ROBO2: variants seen among roughly 807,000 people sequenced by gnomAD.
ROBO2 encodes roundabout guidance receptor 2.
A neutral mutation model predicts 160.8 loss-of-function variants in ROBO2; 53 were observed. That is an observed-to-expected ratio of 0.33 (90% confidence interval 0.26 to 0.41). The LOEUF (loss-of-function observed/expected upper bound fraction) is 0.41, where lower values mean the gene tolerates loss of function less well. Ranked by LOEUF, ROBO2 falls within the 10% of genes least tolerant of loss-of-function variation. ROBO2 has a pLI of 1.00. For missense variants in ROBO2, 1,577 were observed against 1,722.4 expected, an observed-to-expected ratio of 0.92 and a Z score of 1.49; for synonymous variants, 664 against 611.7, an observed-to-expected ratio of 1.09 and a Z score of -1.26.
chr3:76,821,922 C>T (rs896243611), intron 2 of ROBO2, among the ~76,000 whole-genome samples: 1 of 151,998 alleles, frequency 6.6e-6, no homozygotes, highest in Non-Finnish European at 1.5e-5. Flanking sequence ...TGTCCCCTCT[C>T]ATATGCCATT....
chr3:76,373,147 G>A (rs1270178408), intron 2 of ROBO2, among the ~76,000 whole-genome samples: 1 of 151,860 alleles, frequency 6.6e-6, no homozygotes, highest in Non-Finnish European at 1.5e-5. Context: ...AAGTCAAATT[G>A]GAATAAATAA....
At chr3:76,931,568 C>A (rs537331715) in intron 2 of ROBO2, among the ~76,000 whole-genome samples, 5 of 152,018 alleles carry the variant, frequency 3.3e-5, no homozygotes, top group Non-Finnish European at 7.4e-5. Flanking sequence ...CACACACACA[C>A]ACACACACGT....
At chr3:76,667,140 C>G (rs2092081548) in intron 2 of ROBO2, among the ~76,000 whole-genome samples, 1 of 151,854 alleles carries the variant, frequency 6.6e-6, no homozygotes, top group South Asian at 2.1e-4. Flanking sequence ...TAAAAACGTC[C>G]CAGGGGAGAA....
intron 2 of ROBO2, among the ~76,000 whole-genome samples, chr3:76,843,493 CT>C (rs1231809658): frequency 6.6e-6 from 1 of 152,008 alleles, no homozygotes; most frequent in Non-Finnish European, 1.5e-5. Context: ...GCTCAGTTTT[CT>C]TTACCTACTT....
chr3:76,622,642 C>CT (rs2089306354), intron 2 of ROBO2, among the ~76,000 whole-genome samples: 1 of 152,104 alleles, frequency 6.6e-6, no homozygotes, highest in Non-Finnish European at 1.5e-5. Flanking sequence ...CCATCATTTC[C>CT]TTAATGCCTG....
At chr3:76,073,680 T>C (rs1169029489) in intron 2 of ROBO2, among the ~76,000 whole-genome samples, 1 of 152,088 alleles carries the variant, frequency 6.6e-6, no homozygotes, top group Non-Finnish European at 1.5e-5. Flanking sequence ...TACGTTAAAT[T>C]GGAGTGTAGT....
In ROBO2 at chr3:77,552,863, A is replaced by G. The variant is rs192995011; in HGVS notation, c.1231+1874A>G. ...TCTACCCATAGTTTTGATTTTTCAT[A>G]CAGGTTAATGATTTAATACTATCTG... On this transcript the variant is annotated intron_variant, in intron 8 of 25. Transcript: ENST00000461745. 1.8e-4 allele frequency among the ~76,000 whole-genome samples: 27 copies of G among 152,158 alleles called. No individual in the cohort carries two copies. The East Asian group carries it at 4.9e-3, about 27-fold the overall frequency.
At chr3:76,136,621 T>A (rs1035440067) in intron 2 of ROBO2, among the ~76,000 whole-genome samples, 4 of 152,066 alleles carry the variant, frequency 2.6e-5, no homozygotes, top group African/African-American at 4.8e-5. Context: ...TATCCATTCA[T>A]AAGTACTTAA....
chr3:77,115,966 T>G (rs2074157495), intron 2 of ROBO2, among the ~76,000 whole-genome samples: 1 of 152,140 alleles, frequency 6.6e-6, no homozygotes, highest in Admixed American at 6.6e-5. Flanking sequence ...ATCCATCTTC[T>G]TAACCCCACA....
intron 2 of ROBO2, among the ~76,000 whole-genome samples, chr3:76,730,226 A>G (rs774613): frequency 0.66 from 32,062 of 48,648 alleles, 9,439 homozygotes; most frequent in African/African-American, 0.68. Context: ...CTCCCTACCC[A>G]CCTCTCCTCA....
chr3:76,801,318 G>T (rs2108853435), intron 2 of ROBO2, among the ~76,000 whole-genome samples: 1 of 152,242 alleles, frequency 6.6e-6, no homozygotes, highest in East Asian at 1.9e-4. Context: ...AAAGCATATA[G>T]TTATATACAA....
At chr3:77,337,345 T>C (rs1358856543) in intron 2 of ROBO2, among the ~76,000 whole-genome samples, 16 of 152,236 alleles carry the variant, frequency 1.1e-4, no homozygotes, top group Middle Eastern at 3.4e-3. Context: ...CATCTCTTCC[T>C]CAAGATTAGC....
intron 6 of ROBO2, among the ~76,000 whole-genome samples, chr3:77,545,973 G>C (rs776208489): frequency 2.0e-5 from 3 of 152,114 alleles, no homozygotes; most frequent in Non-Finnish European, 2.9e-5. Context: ...AGATGGTTGA[G>C]TAAGAGAGTG....
At chr3:76,754,879 A>C (rs1003024564) in intron 2 of ROBO2, among the ~76,000 whole-genome samples, 3 of 151,920 alleles carry the variant, frequency 2.0e-5, no homozygotes, top group Non-Finnish European at 4.4e-5. Flanking sequence ...TTAAAATCTA[A>C]TGAAGAAAAT....
intron 2 of ROBO2, among the ~76,000 whole-genome samples, chr3:76,124,779 G>C (rs993777491): frequency 6.6e-6 from 1 of 152,038 alleles, no homozygotes; most frequent in African/African-American, 2.4e-5. Flanking sequence ...GATCTGAAGA[G>C]GAATTTTTGA....
At chr3:76,511,373 T>C (rs556070492) in intron 2 of ROBO2, among the ~76,000 whole-genome samples, 2 of 152,326 alleles carry the variant, frequency 1.3e-5, no homozygotes, top group South Asian at 4.1e-4. Context: ...ACCAGTGACT[T>C]GTGCTCACCG....
At chr3:77,262,137 T>C (rs2058817246) in intron 2 of ROBO2, among the ~76,000 whole-genome samples, 1 of 152,176 alleles carries the variant, frequency 6.6e-6, no homozygotes, top group Non-Finnish European at 1.5e-5. Context: ...TGGACACAAA[T>C]ATATCAACAA....
At position 76,913,830 on chromosome 3, in the gene ROBO2, C is replaced by A. The variant is rs550876206; in HGVS notation, c.110-184184C>A. ...TAGAGGAGTAACTGTGAATAATACT[C>A]CTTTAGATGAGTAACTGTGAAAAAT... On this transcript the variant is annotated intron_variant, in intron 2 of 26. Coordinates refer to the ROBO2 transcript ENST00000487694. 2.2e-3 allele frequency among the ~76,000 whole-genome samples: 331 copies of A among 151,880 alleles called. 1 individual carries two copies. Among genetic ancestry groups the A allele is most frequent in the African/African-American group, 6.5e-3 (267 of 41,392 alleles).
intron 2 of ROBO2, among the ~76,000 whole-genome samples, chr3:77,224,562 A>G (rs2086240334): frequency 6.6e-6 from 1 of 151,924 alleles, no homozygotes; most frequent in South Asian, 2.1e-4. Context: ...TGATCGTTGT[A>G]TTTATTGTAT....
Sources: gnomAD v4.1 joint callset for allele counts (sites outside exome capture counted in the v4.1 genomes callset) on GRCh38, gnomAD v4.1.1 for gene constraint, MANE v1.5 for transcripts, NCBI Gene and HGNC (gene_info 2026-07-23, HGNC 2026-07-21) for gene names.